The following SGIP1 variants were observed in gnomAD, a reference collection of about 807,000 sequenced individuals.
SGIP1 encodes SH3GL interacting endocytic adaptor 1, also known as SH3-containing GRB2-like protein 3-interacting protein 1.
In SGIP1, 38 loss-of-function variants were observed where a neutral mutation model predicts 107.5. That is an observed-to-expected ratio of 0.35 (90% CI 0.27 to 0.46). The LOEUF is 0.46. Among genes scored for constraint, SGIP1 ranks in the 20% least tolerant of loss-of-function variants. The pLI, the probability that SGIP1 is intolerant of heterozygous loss-of-function variation, is 1.00. For synonymous variants in SGIP1, 365 were observed against 366.1 expected (o/e 1.00, Z 0.03); for missense variants, 929 against 1,019.5 (o/e 0.91, Z 1.21).
intron 1 of SGIP1, among the ~76,000 whole-genome samples, chr1:66,602,547 G>A (rs941098975): frequency 5.9e-5 from 9 of 151,998 alleles, no homozygotes; most frequent in Non-Finnish European, 1.3e-4. Context: ...GATGTATGAC[G>A]AGTTAATGGT....
At chr1:66,539,014 C>T (rs527682735) in intron 1 of SGIP1, among the ~76,000 whole-genome samples, 6 of 152,290 alleles carry the variant, frequency 3.9e-5, no homozygotes, top group African/African-American at 1.4e-4. Context: ...ATACTTGTGG[C>T]TTATCTTTTC....
intron 12 of SGIP1, among the ~76,000 whole-genome samples, chr1:66,673,947 T>C (rs562656998): frequency 6.6e-6 from 1 of 152,170 alleles, no homozygotes; most frequent in South Asian, 2.1e-4. Context: ...ATAGGATTGC[T>C]TGAGCCCAGG....
At chr1:66,700,280 A>G (rs2091686343) in intron 18 of SGIP1, among the ~76,000 whole-genome samples, 1 of 151,346 alleles carries the variant, frequency 6.6e-6, no homozygotes, top group African/African-American at 2.4e-5. Context: ...CTGAGGCAGG[A>G]GAACTGTTTG....
intron 1 of SGIP1, among the ~76,000 whole-genome samples, chr1:66,611,317 T>C (rs1160982939): frequency 6.6e-6 from 1 of 152,194 alleles, no homozygotes; most frequent in Non-Finnish European, 1.5e-5. Context: ...AAGTAGCAAA[T>C]GGCAGAACCA....
chr1:66,617,897 T>C (rs2069812040), intron 1 of SGIP1, among the ~76,000 whole-genome samples: 1 of 152,206 alleles, frequency 6.6e-6, no homozygotes, highest in Admixed American at 6.5e-5. Context: ...TTATGATGAC[T>C]AACAAAAGAT....
intron 2 of SGIP1, chr1:66,626,137 C>CTTTTTTTTTTTTTTTTTTTT (rs35959436): frequency 1.5e-4 from 18 of 121,928 alleles, no homozygotes; most frequent in African/African-American, 4.1e-4. Flanking sequence ...TTCTTTCTTT[C>CTTTTTTTTTTTTTTTTTTTT]TTTTTTTTTT....
intron 1 of SGIP1, among the ~76,000 whole-genome samples, chr1:66,543,131 T>C (rs1308826231): frequency 2.6e-5 from 4 of 152,234 alleles, no homozygotes; most frequent in Admixed American, 1.3e-4. Context: ...CAGTGGGCTC[T>C]TTTCAGTAGC....
chr1:66,656,008 ATACTT>A (rs1390414614), intron 7 of SGIP1, among the ~76,000 whole-genome samples: 1 of 152,212 alleles, frequency 6.6e-6, no homozygotes, highest in Non-Finnish European at 1.5e-5. Context: ...CTGTATGAAA[ATACTT>A]TATACTCTTT....
At chr1:66,730,699 C>A (rs1217629145) in intron 20 of SGIP1, among the ~76,000 whole-genome samples, 1 of 152,168 alleles carries the variant, frequency 6.6e-6, no homozygotes, top group Non-Finnish European at 1.5e-5. Flanking sequence ...TTACCATTGC[C>A]TTTGAGGCCT....
At chr1:66,649,614 C>T (rs1427445416) in intron 7 of SGIP1, among the ~76,000 whole-genome samples, 1 of 152,072 alleles carries the variant, frequency 6.6e-6, no homozygotes, top group African/African-American at 2.4e-5. Flanking sequence ...TAGAAGCAAA[C>T]CTCCATTATA....
intron 1 of SGIP1, among the ~76,000 whole-genome samples, chr1:66,574,156 A>AT (rs1207016118): frequency 2.0e-5 from 3 of 152,096 alleles, no homozygotes; most frequent in Non-Finnish European, 4.4e-5. Context: ...TGTATCTCTA[A>AT]GATCTCAGAG....
chr1:66,568,666 A>G (rs1571465105), intron 1 of SGIP1, among the ~76,000 whole-genome samples: 1 of 151,570 alleles, frequency 6.6e-6, no homozygotes, highest in East Asian at 1.9e-4. Flanking sequence ...TGAGATATCC[A>G]CCATGATCAA....
intron 8 of SGIP1, among the ~76,000 whole-genome samples, chr1:66,662,902 A>G (rs1411182041): frequency 6.6e-6 from 1 of 152,224 alleles, no homozygotes; most frequent in Non-Finnish European, 1.5e-5. Flanking sequence ...TATAGCAATA[A>G]TAACAGCAGA....
In SGIP1 at chr1:66,599,659, C is replaced by A. The variant is rs986894788; in HGVS notation, c.11-26188C>A. On this transcript the variant is annotated intron_variant, in intron 1 of 24. Transcript: ENST00000371037. ...GTATTTATGCTGCCTTAATAGCTGC[C>A]CCACTTGATTTTGAGTATACGAGGA... Among the ~76,000 whole-genome samples the A allele has an allele frequency of 2.0e-5, 3 of 152,210 alleles. No homozygotes were observed. In the East Asian group the frequency reaches 5.8e-4, roughly 29 times the overall value.
intron 17 of SGIP1, among the ~76,000 whole-genome samples, chr1:66,690,724 T>G (rs1363819229): frequency 6.6e-6 from 1 of 152,234 alleles, no homozygotes; most frequent in African/African-American, 2.4e-5. Context: ...TGTATTTTCT[T>G]GAAGCTTTCA....
intron 21 of SGIP1, 39 bp downstream of exon 21, chr1:66,733,919 C>T: frequency 1.9e-6 from 3 of 1,579,348 alleles, no homozygotes; most frequent in Non-Finnish European, 2.6e-6. Flanking sequence ...TTCCACATGA[C>T]ATATTTGTTT....
Position 66,681,857 on chromosome 1 carries a change from C to A in SGIP1, c.815-12C>A, listed in dbSNP as rs765413624. The A allele has an allele frequency of 6.2e-7, 1 of 1,603,660 alleles. No homozygotes were observed. Among genetic ancestry groups the A allele is most frequent in the Admixed American group, 1.7e-5 (1 of 58,976 alleles). On this transcript the variant is annotated splice_polypyrimidine_tract_variant and intron_variant, in intron 14 of 24. Transcript: ENST00000371037. Reference sequence around the variant, plus strand: ...GTCAATTAAAGTTTAAAATCAACTACTTTAACCACAGGAAATGACCAGTCA... The same window carrying A: ...GTCAATTAAAGTTTAAAATCAACTAATTTAACCACAGGAAATGACCAGTCA...
chr1:66,658,438 T>C (rs2080220356), intron 7 of SGIP1, among the ~76,000 whole-genome samples: 1 of 152,150 alleles, frequency 6.6e-6, no homozygotes, highest in Non-Finnish European at 1.5e-5. Context: ...CTGAAATATT[T>C]ATGGAGCTGG....
In SGIP1 at chr1:66,642,796, C is replaced by T; in HGVS notation, c.229-14C>T. ...TAGGATAATAATTACTTCATGTGCACTTGTGTTTTATAGAACTCACCTGAG... is the reference window on the plus strand; with the variant it reads ...TAGGATAATAATTACTTCATGTGCATTTGTGTTTTATAGAACTCACCTGAG... On this transcript the variant is annotated splice_polypyrimidine_tract_variant and intron_variant, in intron 5 of 24. Transcript: ENST00000371037. 1 of 1,605,684 alleles carries T rather than the reference C, an allele frequency of 6.2e-7. No individual in the cohort carries two copies.
Sources: allele counts gnomAD v4.1 joint callset (sites outside exome capture counted in the v4.1 genomes callset), GRCh38; gene constraint gnomAD v4.1.1; transcripts MANE v1.5; gene names NCBI Gene and HGNC (gene_info 2026-07-23, HGNC 2026-07-21).